KCND3: variants seen among roughly 807,000 people sequenced by gnomAD.
The protein encoded by KCND3 is potassium voltage-gated channel subfamily D member 3, also known as A-type voltage-gated potassium channel KCND3.
In KCND3, 9 loss-of-function variants were observed where a neutral mutation model predicts 51.1. The observed-to-expected ratio is 0.18, with a 90% CI of 0.11 to 0.31. The LOEUF (loss-of-function observed/expected upper bound fraction) is 0.31. Ranked by LOEUF, KCND3 falls within the 10% of genes least tolerant of loss-of-function variation. The probability of loss-of-function intolerance (pLI) is 1.00; values close to 1 mark genes in which losing one functional copy is unlikely to be tolerated. For missense variants in KCND3, 526 were observed against 903.8 expected (o/e 0.58, Z 5.36); for synonymous variants, 349 against 368.0 (o/e 0.95, Z 0.59).
At chr1:111,979,331 T>A (rs1250448605) in intron 2 of KCND3, among the ~76,000 whole-genome samples, 2 of 152,224 alleles carry the variant, frequency 1.3e-5, no homozygotes, top group Non-Finnish European at 2.9e-5. Context: ...CCCCAGAGCA[T>A]TAAAACATGG....
intron 2 of KCND3, among the ~76,000 whole-genome samples, chr1:111,903,207 A>G (rs1670473486): frequency 6.6e-6 from 1 of 152,238 alleles, no homozygotes; most frequent in East Asian, 1.9e-4. Context: ...AGGGAGCAGA[A>G]GGAAAGTACC....
chr1:111,980,107 C>A (rs914309718), intron 2 of KCND3, among the ~76,000 whole-genome samples: 2 of 152,148 alleles, frequency 1.3e-5, no homozygotes, highest in Admixed American at 1.3e-4. Flanking sequence ...AAATACCCCA[C>A]TGTGCCAAAA....
intron 2 of KCND3, among the ~76,000 whole-genome samples, chr1:111,964,123 TGCCCAGGCTCCCA>T (rs936042351): frequency 6.6e-6 from 1 of 152,204 alleles, no homozygotes; most frequent in Non-Finnish European, 1.5e-5. Flanking sequence ...CCATTATGGC[TGCCCAGGCTCCCA>T]GCCAGGGCCA....
intron 2 of KCND3, chr1:111,910,108 T>C (rs1261976369): frequency 6.6e-6 from 1 of 152,200 alleles, no homozygotes; most frequent in Non-Finnish European, 1.5e-5. Flanking sequence ...TCTCTCTTTC[T>C]CTTTCTCGCG....
intron 2 of KCND3, among the ~76,000 whole-genome samples, chr1:111,953,354 C>A (rs771062192): frequency 6.6e-6 from 1 of 152,058 alleles, no homozygotes; most frequent in Non-Finnish European, 1.5e-5. Context: ...GAGTGAGGGG[C>A]GTTAAGAAAA....
chr1:111,886,739 G>A (rs1329952634), intron 2 of KCND3, among the ~76,000 whole-genome samples: 1 of 152,190 alleles, frequency 6.6e-6, no homozygotes, highest in African/African-American at 2.4e-5. Context: ...TTACTTCATT[G>A]TCATTTTAAC....
chr1:111,786,831 A>G, intron 3 of KCND3, 113 bp downstream of exon 3: 1 of 1,333,376 alleles, frequency 7.5e-7, no homozygotes, highest in Non-Finnish European at 1.1e-6. Flanking sequence ...TTACCTTGCA[A>G]AGCCAGAGGC....
intron 2 of KCND3, among the ~76,000 whole-genome samples, chr1:111,857,486 C>T (rs774557962): frequency 2.1e-4 from 32 of 152,280 alleles, no homozygotes; most frequent in African/African-American, 5.3e-4. Context: ...GCAGTACAGC[C>T]GGGAGAAGTA....
chr1:111,906,336 A>C (rs1670649824), intron 2 of KCND3, among the ~76,000 whole-genome samples: 1 of 152,156 alleles, frequency 6.6e-6, no homozygotes. Flanking sequence ...GAAACAGCAC[A>C]GCGTCTTACC....
chr1:111,869,324 C>A (rs1668732857), intron 2 of KCND3, among the ~76,000 whole-genome samples: 1 of 152,168 alleles, frequency 6.6e-6, no homozygotes, highest in Non-Finnish European at 1.5e-5. Context: ...TAGGACCCCC[C>A]AGGAATCCTA....
intron 2 of KCND3, among the ~76,000 whole-genome samples, chr1:111,789,033 A>G (rs1664723096): frequency 1.3e-5 from 2 of 152,212 alleles, no homozygotes; most frequent in South Asian, 2.1e-4. Context: ...CCTCTGAGAT[A>G]TATCACCTTA....
At chr1:111,974,860 C>T (rs1674540259) in intron 2 of KCND3, among the ~76,000 whole-genome samples, 1 of 152,158 alleles carries the variant, frequency 6.6e-6, no homozygotes, top group Non-Finnish European at 1.5e-5. Context: ...GAAATGGGCA[C>T]CAGCCTAGAA....
At position 111,847,395 on chromosome 1, in the gene KCND3, C is replaced by T. The variant is rs534853552; in HGVS notation, c.1107-60289G>A. Among the ~76,000 whole-genome samples the T allele has an allele frequency of 8.5e-5, 13 of 152,260 alleles. No individual in the cohort carries two copies. The East Asian group carries it at 2.3e-3, about 27-fold the overall frequency. ...TGCTGCAACGTGGGCTCGCCTATGC[C>T]TCTTATCCAAGATAAAAATGGCCAA... On this transcript the variant is annotated intron_variant, in intron 2 of 7. Coordinates refer to ENST00000302127, the MANE Select transcript of KCND3 (RefSeq NM_001378969.1).
chr1:111,869,909 A>ACG (rs1252520299), intron 2 of KCND3, among the ~76,000 whole-genome samples: 1 of 151,924 alleles, frequency 6.6e-6, no homozygotes, highest in Non-Finnish European at 1.5e-5. Context: ...GAATGAACAC[A>ACG]CACACACACA....
At chr1:111,909,071 T>C (rs1281410839) in intron 2 of KCND3, among the ~76,000 whole-genome samples, 2 of 152,122 alleles carry the variant, frequency 1.3e-5, no homozygotes, top group South Asian at 2.1e-4. Context: ...TCCTCAATTC[T>C]GAATTAACTT....
At chr1:111,897,172 T>C (rs780144794) in intron 2 of KCND3, among the ~76,000 whole-genome samples, 13 of 152,206 alleles carry the variant, frequency 8.5e-5, no homozygotes, top group Non-Finnish European at 1.6e-4. Flanking sequence ...ACTGCAGGAC[T>C]TTCCTAAGTC....
chr1:111,788,563 G>A (rs1664703771), intron 2 of KCND3, among the ~76,000 whole-genome samples: 2 of 152,350 alleles, frequency 1.3e-5, no homozygotes, highest in South Asian at 4.1e-4. Flanking sequence ...CCTGTTTTGA[G>A]ACTGTCTTCC....
intron 2 of KCND3, among the ~76,000 whole-genome samples, chr1:111,796,694 C>A (rs1160747730): frequency 1.3e-5 from 2 of 152,136 alleles, no homozygotes; most frequent in Non-Finnish European, 2.9e-5. Context: ...CTGGGTGACA[C>A]AAGTTTACAA....
At chr1:111,953,192 G>A (rs146999380) in intron 2 of KCND3, among the ~76,000 whole-genome samples, 32 of 152,190 alleles carry the variant, frequency 2.1e-4, no homozygotes, top group African/African-American at 7.2e-4. Flanking sequence ...CCAGTGAGGT[G>A]CAAGGCCACC....
Sources: gnomAD v4.1 joint callset for allele counts (sites outside exome capture counted in the v4.1 genomes callset) on GRCh38, gnomAD v4.1.1 for gene constraint, MANE v1.5 for transcripts, NCBI Gene and HGNC (gene_info 2026-07-23, HGNC 2026-07-21) for gene names.